The following MARCHF10 variants were observed in gnomAD, a reference collection of about 807,000 sequenced individuals.
The protein encoded by MARCHF10 is probable E3 ubiquitin-protein ligase MARCHF10.
Under a neutral mutation model 76.2 loss-of-function variants are expected in MARCHF10, and 64 were observed. That is an observed-to-expected ratio of 0.84 (90% CI 0.69 to 1.03). The LOEUF (loss-of-function observed/expected upper bound fraction) is 1.03, where lower values mean the gene tolerates loss of function less well. Ranked by LOEUF, MARCHF10 falls within the 50% of genes least tolerant of loss-of-function variation. The pLI, the probability that MARCHF10 is intolerant of heterozygous loss-of-function variation, is 0.00. For synonymous variants in MARCHF10, 340 were observed against 357.5 expected, an observed-to-expected ratio of 0.95 and a Z score of 0.55; for missense variants, 875 against 958.0, an observed-to-expected ratio of 0.91 and a Z score of 1.14.
intron 3 of MARCHF10, among the ~76,000 whole-genome samples, chr17:62,761,172 C>T (rs147411579): frequency 1.3e-5 from 2 of 152,282 alleles, no homozygotes; most frequent in African/African-American, 4.8e-5. Flanking sequence ...TACAGGTGGA[C>T]ACATCATTAT....
chr17:62,762,007 G>C (rs1407535375), intron 3 of MARCHF10, among the ~76,000 whole-genome samples: 1 of 152,154 alleles, frequency 6.6e-6, no homozygotes, highest in Non-Finnish European at 1.5e-5. Flanking sequence ...AAATGCTCCA[G>C]GCGAGGATGA....
chr17:62,705,440 T>G (rs1243796894), intron 10 of MARCHF10, 99 bp downstream of exon 10: 1 of 1,607,904 alleles, frequency 6.2e-7, no homozygotes. Context: ...TGGGTGGTGG[T>G]CATTCCTTCC....
At chr17:62,774,253 G>A (rs376044766) in intron 3 of MARCHF10, among the ~76,000 whole-genome samples, 5 of 152,274 alleles carry the variant, frequency 3.3e-5, no homozygotes, top group Admixed American at 2.6e-4. Context: ...GTGGGACGGA[G>A]GAGGGCACTT....
At position 62,736,980 on chromosome 17, in the gene MARCHF10, C is replaced by G. The variant is rs757188360; in HGVS notation, c.888G>C (p.Gln296His). ...RESDDTEEET[Q>H]SEECLWVGVR... ...CACCAACCCACAGACATTCTTCAGA[C>G]TGGGTTTCCTCTTCAGTGTCATCGC... is the stretch of plus-strand genomic sequence containing the variant. Residue 296 changes from glutamine (Q) to histidine (H), a missense_variant, in exon 6 of 11, where the codon CAG becomes CAC. Transcript: ENST00000311269. 2 of 1,614,182 alleles carry G rather than the reference C, an allele frequency of 1.2e-6. No homozygotes were observed. The highest frequency in any genetic ancestry group is 8.5e-7 in the Non-Finnish European group (1 of 1,180,038).
intron 3 of MARCHF10, among the ~76,000 whole-genome samples, chr17:62,762,818 T>C (rs2092241721): frequency 6.6e-6 from 1 of 152,228 alleles, no homozygotes; most frequent in Admixed American, 6.5e-5. Context: ...AGTGCTGGGA[T>C]TACAGGCGTA....
intron 2 of MARCHF10, among the ~76,000 whole-genome samples, chr17:62,791,607 T>C (rs34950253): frequency 0.26 from 40,067 of 152,134 alleles, 5,460 homozygotes; most frequent in East Asian, 0.41. Context: ...AGGCAGGTAC[T>C]TAAACTTTTA....
At chr17:62,762,361 A>C (rs1429468469) in intron 3 of MARCHF10, among the ~76,000 whole-genome samples, 2 of 152,216 alleles carry the variant, frequency 1.3e-5, no homozygotes, top group African/African-American at 2.4e-5. Context: ...GAGTCTAGAA[A>C]TTGCAGCTAG....
At chr17:62,729,615 G>T (rs1299679066) in intron 6 of MARCHF10, among the ~76,000 whole-genome samples, 1 of 150,794 alleles carries the variant, frequency 6.6e-6, no homozygotes, top group Non-Finnish European at 1.5e-5. Flanking sequence ...GCCTCACTTT[G>T]TCACCCAGGC....
chr17:62,724,904 G>C, intron 7 of MARCHF10, 34 bp downstream of exon 7: 1 of 1,604,758 alleles, frequency 6.2e-7, no homozygotes, highest in Non-Finnish European at 8.5e-7. Context: ...ATTACATGTC[G>C]TGGCACGTTC....
At chr17:62,795,119 C>T (rs906512354) in intron 2 of MARCHF10, 2 of 930,716 alleles carry the variant, frequency 2.1e-6, no homozygotes, top group Non-Finnish European at 2.6e-6. Context: ...AACTCCAAAC[C>T]CTTGCCACCC....
intron 3 of MARCHF10, among the ~76,000 whole-genome samples, chr17:62,772,273 G>C (rs2092462698): frequency 6.6e-6 from 1 of 152,096 alleles, no homozygotes; most frequent in Non-Finnish European, 1.5e-5. Context: ...TTTATAAAGG[G>C]GAGTTTCCCT....
At chr17:62,710,201 C>T (rs2089838760) in intron 9 of MARCHF10, among the ~76,000 whole-genome samples, 1 of 152,144 alleles carries the variant, frequency 6.6e-6, no homozygotes, top group South Asian at 2.1e-4. Flanking sequence ...CCATCTGTAA[C>T]CTGTATCAAC....
At chr17:62,755,320 G>C (rs1432277825) in intron 4 of MARCHF10, among the ~76,000 whole-genome samples, 1 of 152,144 alleles carries the variant, frequency 6.6e-6, no homozygotes, top group Non-Finnish European at 1.5e-5. Flanking sequence ...CTAGGGTAGG[G>C]AGCTCGTTAG....
rs17747354 is a variant in MARCHF10, at chr17:62,787,221, T to C, written c.210+1259A>G. On this transcript the variant is annotated intron_variant, in intron 3 of 10. Coordinates refer to ENST00000311269, the MANE Select transcript of MARCHF10 (RefSeq NM_152598.4). ...TATTGTACGATTTTATATTCCTTAA[T>C]AGAGAGCATATCTCTCTCCTAGGTA... Among the ~76,000 whole-genome samples the C allele has an allele frequency of 2.7e-3, 409 of 152,324 alleles. 2 individuals are homozygous for C. Among genetic ancestry groups the C allele is most frequent in the Admixed American group, 4.2e-3 (65 of 15,302 alleles).
chr17:62,720,848 C>T (rs903128603), intron 8 of MARCHF10, among the ~76,000 whole-genome samples: 8 of 150,048 alleles, frequency 5.3e-5, no homozygotes, highest in South Asian at 2.1e-4. Context: ...GTCTCTGCTC[C>T]GGTAAGTTGT....
chr17:62,725,058 A>T lies in MARCHF10; in HGVS notation c.1984T>A (p.Cys662Ser). 1 of 1,606,512 alleles carries T rather than the reference A, an allele frequency of 6.2e-7. No individual in the cohort carries two copies. Among genetic ancestry groups the T allele is most frequent in the Non-Finnish European group, 8.5e-7 (1 of 1,177,342 alleles). ...SEEEGDLCRI[C>S]QIAGGSPSNP... The stretch of plus-strand genomic sequence containing the variant: ...CTTGGGGAACCCCCGGCTATCTGAC[A>T]GATGCGACACAAGTCTCCCTCCTCC... Residue 662 changes from cysteine to serine, a missense_variant, in exon 7 of 11, where the codon TGT becomes AGT. Coordinates refer to ENST00000311269, the MANE Select transcript of MARCHF10 (RefSeq NM_152598.4).
chr17:62,717,155 T>A (rs2090248757), intron 8 of MARCHF10, among the ~76,000 whole-genome samples: 1 of 152,256 alleles, frequency 6.6e-6, no homozygotes, highest in Non-Finnish European at 1.5e-5. Flanking sequence ...CAAGTCAGGC[T>A]CCCTGGGGCC....
chr17:62,790,783 C>T (rs933622196), intron 2 of MARCHF10, among the ~76,000 whole-genome samples: 9 of 152,148 alleles, frequency 5.9e-5, no homozygotes, highest in South Asian at 2.1e-4. Context: ...AGAAATGACC[C>T]GATACTAACA....
chr17:62,728,815 A>G (rs1262692951), intron 6 of MARCHF10, among the ~76,000 whole-genome samples: 1 of 152,248 alleles, frequency 6.6e-6, no homozygotes, highest in African/African-American at 2.4e-5. Context: ...AATGCACTAA[A>G]TAAAAGCAAA....
Sources: allele counts gnomAD v4.1 joint callset (sites outside exome capture counted in the v4.1 genomes callset), GRCh38; gene constraint gnomAD v4.1.1; transcripts MANE v1.5; gene names NCBI Gene and HGNC (gene_info 2026-07-23, HGNC 2026-07-21).